The following ATP8B1 variants were observed in gnomAD, a reference collection of about 807,000 sequenced individuals.
ATP8B1 encodes ATPase phospholipid transporting 8B1, also known as phospholipid-transporting ATPase IC.
In ATP8B1, 80 loss-of-function variants were observed where a neutral mutation model predicts 149.9. The ratio of observed to expected loss-of-function variants is 0.53; its 90% CI spans 0.45 to 0.64. The LOEUF is 0.64. ATP8B1 is among the 30% of genes least tolerant of loss of function. The pLI is 0.00. For missense variants in ATP8B1, 1,247 were observed against 1,552.6 expected, an observed-to-expected ratio of 0.80 and a Z score of 3.31; for synonymous variants, 536 against 562.8, an observed-to-expected ratio of 0.95 and a Z score of 0.67.
In ATP8B1 at chr18:57,803,275, G is replaced by T. The variant is rs1033257567; in HGVS notation, c.-303C>A. Among the ~76,000 whole-genome samples, 2 of 152,206 alleles carry T rather than the reference G, an allele frequency of 1.3e-5. No individual in the cohort carries two copies. Among genetic ancestry groups the T allele is most frequent in the Non-Finnish European group, 2.9e-5 (2 of 68,028 alleles). ...GCCGCCCTTTTGCCTCCGCTCCGCC[G>T]GACCGGCCAAACTGGTTTCTCCGCT... On this transcript the variant is annotated 5_prime_UTR_variant, in exon 1 of 28. Transcript: ENST00000648908.
intron 27 of ATP8B1, 49 bp from the exon 28 acceptor site, chr18:57,648,761 G>A (rs1184633528): frequency 4.6e-6 from 7 of 1,531,684 alleles, no homozygotes; most frequent in Non-Finnish European, 5.3e-6. Context: ...CCACACCAGG[G>A]AGGAGGCCTG....
At chr18:57,791,343 TTTC>T (rs1336347750) in intron 1 of ATP8B1, among the ~76,000 whole-genome samples, 23 of 132,440 alleles carry the variant, frequency 1.7e-4, no homozygotes, top group African/African-American at 6.9e-4. Context: ...TTCTTTTTCT[TTTC>T]TTTTCTTTTT....
At chr18:57,799,801 T>C (rs2080556307) in intron 1 of ATP8B1, among the ~76,000 whole-genome samples, 1 of 151,956 alleles carries the variant, frequency 6.6e-6, no homozygotes, top group African/African-American at 2.4e-5. Context: ...CATGCACATA[T>C]ATATGCTTTC....
At chr18:57,687,613 A>G (rs1334794450) in intron 13 of ATP8B1, among the ~76,000 whole-genome samples, 1 of 152,132 alleles carries the variant, frequency 6.6e-6, no homozygotes, top group Admixed American at 6.6e-5. Flanking sequence ...TTATCCATTC[A>G]TCCATTGATG....
At chr18:57,747,486 T>G (rs1481108078) in intron 1 of ATP8B1, among the ~76,000 whole-genome samples, 1 of 150,442 alleles carries the variant, frequency 6.6e-6, no homozygotes, top group Non-Finnish European at 1.5e-5. Context: ...GAAAGAAAAG[T>G]CAGTGGCTCT....
chr18:57,789,093 G>A (rs1435414926), intron 1 of ATP8B1, among the ~76,000 whole-genome samples: 1 of 152,044 alleles, frequency 6.6e-6, no homozygotes, highest in African/African-American at 2.4e-5. Context: ...TGAAATATAG[G>A]ACACAGAGTT....
chr18:57,739,241 G>A (rs1352278112), intron 1 of ATP8B1, among the ~76,000 whole-genome samples: 2 of 151,948 alleles, frequency 1.3e-5, no homozygotes, highest in Non-Finnish European at 2.9e-5. Flanking sequence ...CAGGTGATCC[G>A]CTCACCTTGG....
intron 1 of ATP8B1, among the ~76,000 whole-genome samples, chr18:57,779,445 A>G (rs923811717): frequency 3.9e-5 from 6 of 152,242 alleles, no homozygotes; most frequent in Non-Finnish European, 8.8e-5. Flanking sequence ...CAGAGCTGAA[A>G]GGCTCCCAGA....
intron 5 of ATP8B1, 44 bp from the exon 6 acceptor site, chr18:57,701,144 A>G (rs370166971): frequency 4.0e-4 from 649 of 1,612,066 alleles, no homozygotes; most frequent in Non-Finnish European, 5.4e-4. Flanking sequence ...ACATCTCAAT[A>G]GAGAAGGAAG....
intron 16 of ATP8B1, among the ~76,000 whole-genome samples, chr18:57,674,235 C>A (rs1475838575): frequency 3.3e-4 from 26 of 78,336 alleles, no homozygotes; most frequent in African/African-American, 1.4e-3. Flanking sequence ...GAGCAAGACT[C>A]CATCTCAAAA....
At chr18:57,670,520 C>T (rs57468247) in intron 17 of ATP8B1, among the ~76,000 whole-genome samples, 12,344 of 150,828 alleles carry the variant, frequency 0.082, 984 homozygotes, top group East Asian at 0.2. Flanking sequence ...TCTGGCTAAT[C>T]TTTGTATTTT....
chr18:57,779,760 C>T (rs1430181111), intron 1 of ATP8B1, among the ~76,000 whole-genome samples: 1 of 151,854 alleles, frequency 6.6e-6, no homozygotes, highest in African/African-American at 2.4e-5. Flanking sequence ...ATTAGCTGGG[C>T]GTGGTGGCGG....
intron 1 of ATP8B1, among the ~76,000 whole-genome samples, chr18:57,751,049 G>C (rs985721427): frequency 5.3e-5 from 8 of 152,166 alleles, no homozygotes; most frequent in Non-Finnish European, 8.8e-5. Flanking sequence ...CTTGAGCCCA[G>C]GAGGCAGAGG....
At chr18:57,759,989 G>A (rs533522866) in intron 1 of ATP8B1, among the ~76,000 whole-genome samples, 88 of 152,160 alleles carry the variant, frequency 5.8e-4, no homozygotes, top group Admixed American at 9.2e-4. Flanking sequence ...CTGCTAGGAG[G>A]TCCACTCACT....
At chr18:57,791,274 T>G (rs2080461251) in intron 1 of ATP8B1, among the ~76,000 whole-genome samples, 1 of 152,210 alleles carries the variant, frequency 6.6e-6, no homozygotes, top group Non-Finnish European at 1.5e-5. Context: ...ATTTATTTCA[T>G]TTAGCATAAT....
intron 1 of ATP8B1, among the ~76,000 whole-genome samples, chr18:57,768,733 G>T (rs1477796434): frequency 1.3e-5 from 2 of 152,120 alleles, no homozygotes; most frequent in African/African-American, 4.8e-5. Flanking sequence ...ATGCCAAGTT[G>T]GTAACAAATC....
chr18:57,648,376 T>C lies in ATP8B1; in HGVS notation c.*112A>G, dbSNP rs1445228180. On this transcript the variant is annotated 3_prime_UTR_variant, in exon 28 of 28. Transcript: ENST00000648908. ...AGTTTGTTATAAAGATTATTTATTG[T>C]CTTCAATATCTTTGTGATGAATGCA... The C allele has an allele frequency of 5.0e-6, 6 of 1,196,292 alleles. No individual in the cohort carries two copies. The East Asian group carries it at 1.2e-4, about 24-fold the overall frequency. 74.1% of individuals were successfully genotyped at this position (1,196,292 alleles called of 1,614,324 possible). A position where few individuals can be genotyped will look rare whatever the true frequency, so the allele number is the denominator to read the frequency against.
intron 1 of ATP8B1, among the ~76,000 whole-genome samples, chr18:57,733,366 A>C (rs547218221): frequency 6.6e-6 from 1 of 152,276 alleles, no homozygotes; most frequent in South Asian, 2.1e-4. Flanking sequence ...AGCAGAGGAG[A>C]AAAATCAAAA....
chr18:57,773,200 TTA>T (rs1491113549), intron 1 of ATP8B1, among the ~76,000 whole-genome samples: 1 of 125,572 alleles, frequency 8.0e-6, no homozygotes. Flanking sequence ...AGACTCTGTC[TTA>T]AAAAAAAAAA....
Sources: allele counts gnomAD v4.1 joint callset (sites outside exome capture counted in the v4.1 genomes callset), GRCh38; gene constraint gnomAD v4.1.1; transcripts MANE v1.5; gene names NCBI Gene and HGNC (gene_info 2026-07-23, HGNC 2026-07-21).